The following HEMK2 variants were observed in gnomAD, a reference collection of about 807,000 sequenced individuals.
HEMK2 encodes HemK methyltransferase 2, ETF1 glutamine and histone H4 lysine.
At chr21:28,808,293 G>A in the HEMK2 span, among the ~76,000 whole-genome samples, 1 of 151,952 alleles carries the variant, frequency 6.6e-6, no homozygotes, top group Non-Finnish European at 1.5e-5. Context: ...AAGTCTTGAA[G>A]TCAGGTAATG....
the HEMK2 span, among the ~76,000 whole-genome samples, chr21:28,877,025 AAGG>A: frequency 2.5e-5 from 1 of 39,418 alleles, no homozygotes; most frequent in Non-Finnish European, 6.1e-5. Flanking sequence ...GGAAGGAAGG[AAGG>A]AAGGAAGGAG....
the HEMK2 span, among the ~76,000 whole-genome samples, chr21:28,590,218 A>G: frequency 6.6e-6 from 1 of 152,210 alleles, no homozygotes; most frequent in Admixed American, 6.5e-5. Context: ...GGTAAGATTG[A>G]TAAGAAAAAG....
chr21:28,604,154 C>T, the HEMK2 span, among the ~76,000 whole-genome samples: 1 of 152,128 alleles, frequency 6.6e-6, no homozygotes, highest in Non-Finnish European at 1.5e-5. Context: ...AGATCAGAAT[C>T]GGTGTTTAGA....
the HEMK2 span, among the ~76,000 whole-genome samples, chr21:28,790,448 T>C: frequency 1.3e-5 from 2 of 152,184 alleles, no homozygotes; most frequent in African/African-American, 4.8e-5. Context: ...ACCAAAGTTC[T>C]GGTGTTTTGC....
At chr21:28,608,792 C>A in the HEMK2 span, among the ~76,000 whole-genome samples, 1 of 152,094 alleles carries the variant, frequency 6.6e-6, no homozygotes, top group African/African-American at 2.4e-5. Context: ...CCAGCTTTCC[C>A]CCACTTTAAT....
the HEMK2 span, among the ~76,000 whole-genome samples, chr21:28,671,909 A>G: frequency 6.6e-6 from 1 of 152,150 alleles, no homozygotes. Flanking sequence ...CTTTAATCCA[A>G]TATATGGTCT....
chr21:28,795,679 A>G, the HEMK2 span, among the ~76,000 whole-genome samples: 1 of 152,246 alleles, frequency 6.6e-6, no homozygotes, highest in Non-Finnish European at 1.5e-5. Context: ...ATAGATAAAT[A>G]TCCCAATCAT....
the HEMK2 span, among the ~76,000 whole-genome samples, chr21:28,823,146 T>C: frequency 1.3e-5 from 2 of 152,238 alleles, no homozygotes; most frequent in Non-Finnish European, 2.9e-5. Context: ...GTGATTGCTA[T>C]AGGCCTTTGC....
the HEMK2 span, among the ~76,000 whole-genome samples, chr21:28,636,617 C>T: frequency 6.6e-6 from 1 of 152,078 alleles, no homozygotes; most frequent in East Asian, 1.9e-4. Context: ...TGAAACCTGC[C>T]CAAGTTCAGA....
chr21:28,823,398 G>T, the HEMK2 span, among the ~76,000 whole-genome samples: 1 of 152,172 alleles, frequency 6.6e-6, no homozygotes. Context: ...TAGGTTCTAA[G>T]AGAAAGAAAA....
the HEMK2 span, among the ~76,000 whole-genome samples, chr21:28,608,492 C>A: frequency 6.6e-6 from 1 of 151,388 alleles, no homozygotes; most frequent in African/African-American, 2.4e-5. Context: ...TATGGAGACC[C>A]ACTTCATGAA....
the HEMK2 span, among the ~76,000 whole-genome samples, chr21:28,797,110 T>C: frequency 1.3e-5 from 2 of 152,178 alleles, no homozygotes; most frequent in Non-Finnish European, 2.9e-5. Flanking sequence ...CTGCCTTGGA[T>C]GCCAAGATAT....
the HEMK2 span, among the ~76,000 whole-genome samples, chr21:28,672,057 C>G: frequency 6.6e-6 from 1 of 152,110 alleles, no homozygotes; most frequent in South Asian, 2.1e-4. Flanking sequence ...GTTTTTCAAT[C>G]ACCAGAGCAC....
chr21:28,788,202 A>ATATACGTG, the HEMK2 span, among the ~76,000 whole-genome samples: 5 of 134,170 alleles, frequency 3.7e-5, no homozygotes, highest in Non-Finnish European at 6.3e-5. Flanking sequence ...GTATATACGT[A>ATATACGTG]TATATACGTA....
At chr21:28,667,894 A>G in the HEMK2 span, among the ~76,000 whole-genome samples, 1 of 152,162 alleles carries the variant, frequency 6.6e-6, no homozygotes, top group Non-Finnish European at 1.5e-5. Flanking sequence ...TAATACATGG[A>G]AAGTGTTCAG....
chr21:28,647,939 A>C, the HEMK2 span, among the ~76,000 whole-genome samples: 3 of 152,226 alleles, frequency 2.0e-5, no homozygotes, highest in African/African-American at 7.2e-5. Context: ...GCTGAGCTGA[A>C]GACCATTATG....
the HEMK2 span, among the ~76,000 whole-genome samples, chr21:28,667,601 A>C: frequency 6.6e-6 from 1 of 152,194 alleles, no homozygotes; most frequent in Non-Finnish European, 1.5e-5. Flanking sequence ...GCATGCCTCT[A>C]TCAAAACATC....
the HEMK2 span, among the ~76,000 whole-genome samples, chr21:28,588,797 C>T: frequency 6.6e-6 from 1 of 151,950 alleles, no homozygotes; most frequent in Non-Finnish European, 1.5e-5. Flanking sequence ...TCCTGGCTAA[C>T]ACGCTGAAAC....
At chr21:28,690,881 T>A in the HEMK2 span, among the ~76,000 whole-genome samples, 1 of 152,186 alleles carries the variant, frequency 6.6e-6, no homozygotes, top group African/African-American at 2.4e-5. Flanking sequence ...ACAGCCATTT[T>A]AACCTGTAGA....
Sources: allele counts gnomAD v4.1 joint callset (sites outside exome capture counted in the v4.1 genomes callset), GRCh38; gene constraint gnomAD v4.1.1; transcripts MANE v1.5; gene names NCBI Gene and HGNC (gene_info 2026-07-23, HGNC 2026-07-21).